The following ZNF454 variants were observed in gnomAD, a reference collection of about 807,000 sequenced individuals.
ZNF454 encodes the protein zinc finger protein 454.
ZNF454 carries 30 observed loss-of-function variants against 48.2 expected under a neutral mutation model. The ratio of observed to expected loss-of-function variants is 0.62; its 90% CI spans 0.47 to 0.84. ZNF454 has a LOEUF of 0.84. Among genes scored for constraint, ZNF454 ranks in the 40% least tolerant of loss-of-function variants. The pLI is 0.00. For missense variants in ZNF454, 510 were observed against 623.1 expected, an observed-to-expected ratio of 0.82 and a Z score of 1.93; for synonymous variants, 204 against 211.4, an observed-to-expected ratio of 0.97 and a Z score of 0.30.
chr5:178,988,927 C>T, the ZNF454 span: 8 of 1,609,066 alleles, frequency 5.0e-6, no homozygotes, highest in Non-Finnish European at 5.9e-6. This position sits in a 1 kb window ranked among gnomAD's most constrained non-coding sequence, Gnocchi z 6.0. Context: ...GGGCAGGCAC[C>T]CACTCACCAT....
At chr5:178,969,148 A>C (rs1760206709), downstream of ZNF454, among the ~76,000 whole-genome samples, 1 of 152,170 alleles carries the variant, frequency 6.6e-6, no homozygotes, top group Non-Finnish European at 1.5e-5. Context: ...TAGGATGACG[A>C]GCTCACTGCA....
At chr5:178,963,492 A>T (rs910501771) in intron 4 of ZNF454, among the ~76,000 whole-genome samples, 2 of 151,588 alleles carry the variant, frequency 1.3e-5, no homozygotes, top group African/African-American at 4.8e-5. Context: ...TTTGTAGAAG[A>T]TTTTCTGCAG....
chr5:178,987,588 C>T, the ZNF454 span: 1 of 389,380 alleles, frequency 2.6e-6, no homozygotes, highest in South Asian at 1.9e-5. Context: ...GATGCCACCA[C>T]AGGAGGTACC....
chr5:178,987,021 C>T, the ZNF454 span: 1 of 1,604,032 alleles, frequency 6.2e-7, no homozygotes, highest in South Asian at 1.1e-5. Flanking sequence ...GGTCCTCCAG[C>T]CCAGCAGAGC....
intron 4 of ZNF454, among the ~76,000 whole-genome samples, chr5:178,952,227 C>T (rs1223209154): frequency 1.3e-5 from 2 of 152,018 alleles, no homozygotes; most frequent in Non-Finnish European, 2.9e-5. Context: ...TTAGTAGAGA[C>T]GGGGTTTCAC....
rs765491857 is a variant in ZNF454, at chr5:178,942,775, T to A, written c.-17T>A. On this transcript the variant is annotated 5_prime_UTR_variant, in exon 2 of 5. Coordinates refer to ENST00000519564, the MANE Select transcript of ZNF454 (RefSeq NM_001178089.3). ...GCACTTTGCCTGTCCCTAAGAGGGC[T>A]CATCGGAGAAGAAAGAATGGCTGTC... The A allele has an allele frequency of 6.2e-7, 1 of 1,614,002 alleles. No individual in the cohort carries two copies. Among genetic ancestry groups the A allele is most frequent in the East Asian group, 2.2e-5 (1 of 44,850 alleles).
chr5:178,987,343 A>G, the ZNF454 span: 3 of 484,302 alleles, frequency 6.2e-6, no homozygotes, highest in East Asian at 1.8e-4. Flanking sequence ...GCAGGGTGGC[A>G]AGAAATGCTT....
downstream of ZNF454, among the ~76,000 whole-genome samples, chr5:178,971,256 C>CAGAA (rs1760228909): frequency 6.6e-6 from 1 of 152,162 alleles, no homozygotes; most frequent in Non-Finnish European, 1.5e-5. Flanking sequence ...GTTCAGGAGG[C>CAGAA]AGAAGACAGG....
the ZNF454 span, chr5:178,979,490 CATGGGCCTCGCGGTGCATCAGAG>C: frequency 6.6e-6 from 1 of 152,224 alleles, no homozygotes. Context: ...CACAGGAGTA[CATGGGCCTCGCGGTGCATCAGAG>C]TTCCTGCCAG....
the ZNF454 span, among the ~76,000 whole-genome samples, chr5:178,987,916 T>C: frequency 6.5e-4 from 1 of 1,538 alleles, no homozygotes; most frequent in African/African-American, 6.7e-4. Context: ...CCCGTCGCCA[T>C]GCCCAGCTAA....
downstream of ZNF454, among the ~76,000 whole-genome samples, chr5:178,966,919 C>T (rs150265943): frequency 2.0e-4 from 31 of 152,312 alleles, no homozygotes; most frequent in Admixed American, 1.4e-3. Flanking sequence ...GACTTAGCAA[C>T]GCCTAACTGT....
intron 4 of ZNF454, among the ~76,000 whole-genome samples, chr5:178,963,273 C>G (rs892803623): frequency 6.6e-6 from 1 of 151,922 alleles, no homozygotes; most frequent in African/African-American, 2.4e-5. Flanking sequence ...ACAGTCTACT[C>G]TATTTGGGCC....
At chr5:178,975,125 T>TGGCA in the ZNF454 span, among the ~76,000 whole-genome samples, 1 of 152,144 alleles carries the variant, frequency 6.6e-6, no homozygotes, top group African/African-American at 2.4e-5. Context: ...CTGGCCAACA[T>TGGCA]GGCAAAACTC....
chr5:178,942,957 C>G (rs1208527308), intron 2 of ZNF454, 133 bp downstream of exon 2: 2 of 896,500 alleles, frequency 2.2e-6, no homozygotes, highest in African/African-American at 3.3e-5. Context: ...TCTCCCCAAC[C>G]AACACCCTCC....
chr5:178,961,022 C>G (rs543312040), intron 4 of ZNF454, among the ~76,000 whole-genome samples: 1 of 151,322 alleles, frequency 6.6e-6, no homozygotes, highest in African/African-American at 2.4e-5. Context: ...CCTCTGCCTC[C>G]TGGGTTCAAG....
At chr5:178,970,335 T>G (rs570115786), downstream of ZNF454, among the ~76,000 whole-genome samples, 3 of 152,304 alleles carry the variant, frequency 2.0e-5, no homozygotes, top group African/African-American at 7.2e-5. Context: ...CCCTGCTTCT[T>G]GGCCCACCTC....
chr5:178,985,241 C>T, the ZNF454 span: 1 of 456,456 alleles, frequency 2.2e-6, no homozygotes, highest in South Asian at 1.6e-5. Flanking sequence ...TGTAGAAGAG[C>T]ATTTTGGTTT....
the ZNF454 span, among the ~76,000 whole-genome samples, chr5:178,982,573 T>A: frequency 5.3e-5 from 2 of 37,684 alleles, no homozygotes; most frequent in Non-Finnish European, 4.4e-5. Context: ...TGAGACTCTG[T>A]CTCAAAAAAA....
rs746287673 is a variant in ZNF454 at position 178,965,192 on chromosome 5, A to C, written c.788A>C (p.Gln263Pro). Residue 263 changes from glutamine (Q) to proline (P), a missense_variant, in exon 5 of 5, where the codon CAG becomes CCG. By Grantham distance (76) the Gln-to-Pro change is moderately conservative. Coordinates refer to ENST00000519564, the MANE Select transcript of ZNF454 (RefSeq NM_001178089.3). The surrounding 1 kb of genome is among the most constrained non-coding windows in gnomAD (Gnocchi z 5.2). Reference protein sequence around the residue: ...FSVSSSLTYHQKIHTGEKPFE... With the variant: ...FSVSSSLTYHPKIHTGEKPFE... ...GTGAGCTCCTCACTTACGTACCATC[A>C]GAAAATTCATACTGGAGAGAAGCCT... 2 of 1,614,110 alleles carry C rather than the reference A, an allele frequency of 1.2e-6. No homozygotes were observed. The highest frequency in any genetic ancestry group is 1.7e-5 in the Admixed American group (1 of 60,006).
Sources: allele counts gnomAD v4.1 joint callset (sites outside exome capture counted in the v4.1 genomes callset), GRCh38; gene constraint gnomAD v4.1.1; non-coding constraint Gnocchi (gnomAD v3.1); transcripts MANE v1.5; gene names NCBI Gene and HGNC (gene_info 2026-07-23, HGNC 2026-07-21).